Variants in CUL3 observed in about 807,000 individuals in gnomAD.
The protein encoded by CUL3 is cullin-3.
A neutral mutation model predicts 89.1 loss-of-function variants in CUL3; 19 were observed. The observed-to-expected ratio is 0.21, with a 90% CI of 0.15 to 0.31. The LOEUF (loss-of-function observed/expected upper bound fraction) is 0.31, where lower values mean the gene tolerates loss of function less well. CUL3 is among the 10% of genes least tolerant of loss of function. The pLI, the probability that CUL3 is intolerant of heterozygous loss-of-function variation, is 1.00. For missense variants in CUL3, 469 were observed against 942.3 expected (o/e 0.50, Z 6.58); for synonymous variants, 351 against 308.4 (o/e 1.14, Z -1.45).
chr2:224,525,512 T>C (rs777878835), intron 3 of CUL3, among the ~76,000 whole-genome samples: 11 of 152,134 alleles, frequency 7.2e-5, no homozygotes, highest in Non-Finnish European at 1.5e-4. Context: ...TGATATCTGT[T>C]GTTATGTATT....
chr2:224,584,230 C>T (rs1695512985), intron 1 of CUL3, among the ~76,000 whole-genome samples: 1 of 152,180 alleles, frequency 6.6e-6, no homozygotes, highest in Non-Finnish European at 1.5e-5. Flanking sequence ...TCTTTGGGCT[C>T]CCAAGGCTGA....
chr2:224,500,245 A>C (rs1051049874), intron 11 of CUL3, 118 bp downstream of exon 11: 5 of 1,214,122 alleles, frequency 4.1e-6, no homozygotes, highest in Non-Finnish European at 5.9e-6. Context: ...GCTCCTTTTG[A>C]TCACGAGGTA....
intron 2 of CUL3, among the ~76,000 whole-genome samples, chr2:224,549,571 T>C (rs1463120177): frequency 6.6e-6 from 1 of 152,210 alleles, no homozygotes; most frequent in Non-Finnish European, 1.5e-5. Context: ...TAAGTACCAA[T>C]GCTCAGTTCT....
rs961557185 is a variant in CUL3 at position 224,514,686 on chromosome 2, C to T, written c.465G>A (p.Gly155=). 5 of 1,613,480 alleles carry T rather than the reference C, an allele frequency of 3.1e-6. No homozygotes were observed. Among genetic ancestry groups the T allele is most frequent in the Middle Eastern group, 1.6e-4 (1 of 6,080 alleles). Reference sequence around the variant, plus strand: ...TTTGCCGTAGATGATCCCTAATACACCCATAACGTACAACTTGATCTCGAA... The same window carrying T: ...TTTGCCGTAGATGATCCCTAATACATCCATAACGTACAACTTGATCTCGAA... The part of the protein sequence containing the change: ...IIFRDQVVRY[G]CIRDHLRQTL... Residue 155 remains glycine (G), a synonymous_variant, in exon 4 of 16, where the codon GGG becomes GGA. Coordinates refer to ENST00000264414, the MANE Select transcript of CUL3 (RefSeq NM_003590.5).
At position 224,485,152 on chromosome 2, in the gene CUL3, A is replaced by G. The variant is rs1691668635; in HGVS notation, c.1843-3074T>C. 6.6e-6 allele frequency: 1 copy of G among 152,264 alleles called. No individual in the cohort carries two copies. Among genetic ancestry groups the G allele is most frequent in the South Asian group, 2.1e-4 (1 of 4,832 alleles). 9.4% of individuals were successfully genotyped at this position (152,264 alleles called of 1,614,324 possible). A position where few individuals can be genotyped will look rare whatever the true frequency, so the allele number is the denominator to read the frequency against. ...CCAGGAGATTCCCTTGTGTGCCTAC[A>G]CCACCAGGACCCTGGGTTTCTAGCA... On this transcript the variant is annotated intron_variant, in intron 13 of 15. Coordinates refer to ENST00000264414, the MANE Select transcript of CUL3 (RefSeq NM_003590.5). This position sits in a 1 kb window ranked among gnomAD's most constrained non-coding sequence, Gnocchi z 4.1.
chr2:224,530,055 A>G (rs1693634273), intron 3 of CUL3, among the ~76,000 whole-genome samples: 1 of 151,990 alleles, frequency 6.6e-6, no homozygotes, highest in Non-Finnish European at 1.5e-5. Flanking sequence ...TGGCTAACAC[A>G]GTGAAACCCC....
rs1476402929 is a variant in CUL3, at chr2:224,575,399, G to C, written c.66+9545C>G. ...TATGTTCAGTGGGGGCAAATAGGTA[G>C]AACGATCCAAGATGCTTTCTGCTGC... On this transcript the variant is annotated intron_variant, in intron 1 of 15. Transcript: ENST00000264414. Among the ~76,000 whole-genome samples the C allele has an allele frequency of 3.9e-5, 6 of 152,126 alleles. 1 individual carries two copies. Among genetic ancestry groups the C allele is most frequent in the Admixed American group, 3.9e-4 (6 of 15,278 alleles).
intron 2 of CUL3, among the ~76,000 whole-genome samples, chr2:224,536,543 A>AC (rs1271416731): frequency 6.6e-6 from 1 of 152,160 alleles, no homozygotes; most frequent in Non-Finnish European, 1.5e-5. Flanking sequence ...TATATCCCAC[A>AC]CCTAGAATAG....
chr2:224,490,824 A>C lies in CUL3; in HGVS notation c.1842+5008T>G, dbSNP rs191879751. ...CTGTCTATGCATTTTAAATAATGTT[A>C]ACTTGTATACTTTTTAATAACAGAG... On this transcript the variant is annotated intron_variant, in intron 13 of 15. Coordinates refer to ENST00000264414, the MANE Select transcript of CUL3 (RefSeq NM_003590.5). Among the ~76,000 whole-genome samples, 3 of 152,258 alleles carry C rather than the reference A, an allele frequency of 2.0e-5. No homozygotes were observed. The East Asian group carries it at 5.8e-4, about 29-fold the overall frequency.
intron 2 of CUL3, among the ~76,000 whole-genome samples, chr2:224,543,010 A>T (rs148232770): frequency 5.3e-5 from 8 of 152,240 alleles, no homozygotes; most frequent in African/African-American, 1.9e-4. Context: ...CACAACACAC[A>T]TAATTGTTTT....
At chr2:224,573,334 T>C (rs1695228768) in intron 1 of CUL3, among the ~76,000 whole-genome samples, 1 of 152,218 alleles carries the variant, frequency 6.6e-6, no homozygotes, top group Non-Finnish European at 1.5e-5. Context: ...TAGCAAAGTG[T>C]TAACTCATAA....
intron 2 of CUL3, among the ~76,000 whole-genome samples, chr2:224,538,765 G>C (rs1462751816): frequency 6.6e-6 from 1 of 152,204 alleles, no homozygotes; most frequent in Non-Finnish European, 1.5e-5. Context: ...GCAAGTAATG[G>C]AGAACTGATG....
chr2:224,583,720 T>C (rs921079858), intron 1 of CUL3, among the ~76,000 whole-genome samples: 2 of 152,256 alleles, frequency 1.3e-5, no homozygotes, highest in Non-Finnish European at 2.9e-5. Flanking sequence ...TGTATCCTTT[T>C]AAATTTTAGG....
chr2:224,530,256 C>CAAAACA (rs1290570282), intron 3 of CUL3, among the ~76,000 whole-genome samples: 4 of 151,780 alleles, frequency 2.6e-5, no homozygotes, highest in Non-Finnish European at 5.9e-5. Context: ...CAAAACAAAA[C>CAAAACA]AAAACAAAAA....
chr2:224,487,435 G>A (rs906031495), intron 13 of CUL3, among the ~76,000 whole-genome samples: 1 of 51,788 alleles, frequency 1.9e-5, no homozygotes, highest in Non-Finnish European at 3.2e-5. Context: ...TACCAAGCCC[G>A]CCCCCCCCAA....
chr2:224,574,944 T>C (rs982079258), intron 1 of CUL3, among the ~76,000 whole-genome samples: 6 of 151,978 alleles, frequency 3.9e-5, no homozygotes, highest in African/African-American at 1.5e-4. Context: ...CTCAAGAAAA[T>C]TATGCTCTAA....
At chr2:224,476,306 C>T (rs547565523) in intron 15 of CUL3, among the ~76,000 whole-genome samples, 103 of 152,226 alleles carry the variant, frequency 6.8e-4, no homozygotes, top group East Asian at 2.7e-3. Context: ...CGTGAGCCAC[C>T]GCGAGTCACA....
intron 10 of CUL3, among the ~76,000 whole-genome samples, chr2:224,501,726 G>A (rs1045655766): frequency 3.9e-5 from 6 of 152,126 alleles, no homozygotes; most frequent in Non-Finnish European, 7.3e-5. Flanking sequence ...ACTGGGGGAG[G>A]TGGAGAACTG....
rs1335807928 is a variant in CUL3, at chr2:224,485,663, A to G, written c.1843-3585T>C. On this transcript the variant is annotated intron_variant, in intron 13 of 15. Coordinates refer to ENST00000264414, the MANE Select transcript of CUL3 (RefSeq NM_003590.5). This position sits in a 1 kb window ranked among gnomAD's most constrained non-coding sequence, Gnocchi z 4.1. ...TCCCTGGGACAGAGCACCTGGGAAG[A>G]AGGCAGCTATGGGCCCAGCTTCAGC... Among the ~76,000 whole-genome samples the G allele has an allele frequency of 6.6e-6, 1 of 152,222 alleles. No homozygotes were observed.
Sources: allele counts gnomAD v4.1 joint callset (sites outside exome capture counted in the v4.1 genomes callset), GRCh38; gene constraint gnomAD v4.1.1; non-coding constraint Gnocchi (gnomAD v3.1); transcripts MANE v1.5; gene names NCBI Gene and HGNC (gene_info 2026-07-23, HGNC 2026-07-21).